NEB: variants seen among roughly 807,000 people sequenced by gnomAD.
NEB encodes the protein nemaline myopathy type 2.
Under a neutral mutation model 952.2 loss-of-function variants are expected in NEB, and 512 were observed. The ratio of observed to expected loss-of-function variants is 0.54; its 90% CI spans 0.50 to 0.58. The LOEUF (loss-of-function observed/expected upper bound fraction) is 0.58. Ranked by LOEUF, NEB falls within the 20% of genes least tolerant of loss-of-function variation. The pLI, the probability that NEB is intolerant of heterozygous loss-of-function variation, is 0.00. For missense variants in NEB, 8,428 were observed against 9,231.1 expected, an observed-to-expected ratio of 0.91 and a Z score of 3.56; for synonymous variants, 2,900 against 3,149.8, an observed-to-expected ratio of 0.92 and a Z score of 2.66.
At chr2:151,648,381 C>T (rs2098988385) in intron 54 of NEB, among the ~76,000 whole-genome samples, 1 of 152,156 alleles carries the variant, frequency 6.6e-6, no homozygotes, top group Non-Finnish European at 1.5e-5. Context: ...TTGTTAATTT[C>T]CATATGTGTG....
chr2:151,502,747 A>G (rs1222791296), intron 167 of NEB, 46 bp downstream of exon 167: 2 of 1,048,884 alleles, frequency 1.9e-6, no homozygotes, highest in East Asian at 5.0e-5. Flanking sequence ...TTATTATTTT[A>G]AATAAAATTA....
Position 151,644,536 on chromosome 2 carries a change from C to G in NEB, c.7576G>C (p.Gly2526Arg), listed in dbSNP as rs745615339. 1 of 1,613,948 alleles carries G rather than the reference C, an allele frequency of 6.2e-7. No homozygotes were observed. ...RMGYEELKRKGYDLPVDAIPI... is the reference protein window; with the variant it reads ...RMGYEELKRKRYDLPVDAIPI... ...ATGGCATCAACAGGAAGATCGTAAC[C>G]TTTTCTCTTCAGCTCCTCATAACCC... The change falls in exon 56 of 182, where the codon GGT becomes CGT. Residue 2526 changes from glycine (G) to arginine (R), a missense_variant. By Grantham distance (125) the Gly-to-Arg change is moderately radical. Coordinates refer to ENST00000397345, the MANE Select transcript of NEB (RefSeq NM_001164508.2).
In NEB at chr2:151,643,262, T is replaced by C; in HGVS notation, c.8048A>G (p.Gln2683Arg). The change falls in exon 58 of 182, where the codon CAG becomes CGG. Residue 2683 changes from glutamine to arginine, a missense_variant. Coordinates refer to ENST00000397345, the MANE Select transcript of NEB (RefSeq NM_001164508.2). ...ACGGTAAACATGGTCACTCAAAATC[T>C]GGGTGGCTCGTTTATTTTTCTCATC... ...LEDEKNKRAT[Q>R]ILSDHVYRQH... The C allele has an allele frequency of 1.9e-6, 3 of 1,613,954 alleles. No homozygotes were observed. The highest frequency in any genetic ancestry group is 2.5e-6 in the Non-Finnish European group (3 of 1,179,842).
Position 151,664,508 on chromosome 2 carries a change from G to C in NEB, c.5444C>G (p.Ala1815Gly), listed in dbSNP as rs767491081. The C allele has an allele frequency of 6.3e-7, 1 of 1,583,502 alleles. No individual in the cohort carries two copies. Among genetic ancestry groups the C allele is most frequent in the Non-Finnish European group, 8.6e-7 (1 of 1,167,968 alleles). Residue 1815 changes from alanine (A) to glycine (G), a missense_variant, in exon 44 of 182, where the codon GCC (alanine) becomes GGC (glycine). By Grantham distance (60) the Ala-to-Gly change is moderately conservative. This residue lies in a region of NEB where 2,851 missense variants were observed against 2,791.5 expected (regional missense o/e 1.02). Coordinates refer to ENST00000397345, the MANE Select transcript of NEB (RefSeq NM_001164508.2). ...CCCAGTGCAAGCACTTACATCACTG[G>C]CAATGTCTCTAGAGGCTCTTGCAGC... ...IKAARASRDI[A>G]SDYKYKKAYE...
intron 32 of NEB, 65 bp downstream of exon 32, chr2:151,679,656 G>A (rs534330275): frequency 1.6e-5 from 13 of 804,232 alleles, no homozygotes; most frequent in Admixed American, 1.2e-4. Context: ...TTGGGTCATC[G>A]TCAGACCCCA....
intron 68 of NEB, among the ~76,000 whole-genome samples, chr2:151,628,866 G>T (rs192205315): frequency 7.2e-4 from 109 of 151,118 alleles, no homozygotes; most frequent in African/African-American, 2.5e-3. Context: ...CTGAGACTCT[G>T]TCTCAAACAA....
At chr2:151,547,371 GA>G in intron 133 of NEB, 57 bp downstream of exon 133, 1 of 1,374,196 alleles carries the variant, frequency 7.3e-7, no homozygotes. Context: ...TTTAACTGCT[GA>G]AAGCAAGCCT....
rs755582434 is a variant in NEB at position 151,497,040 on chromosome 2, G to A, written c.24301-7C>T. The stretch of plus-strand genomic sequence containing the variant: ...TGTTTTCTTTGTATAACACCTGTGC[G>A]ATAAGAAAGCAACCAGAAAAACAAC... On this transcript the variant is annotated splice_region_variant and splice_polypyrimidine_tract_variant and intron_variant, in intron 171 of 181. Coordinates refer to ENST00000397345, the MANE Select transcript of NEB (RefSeq NM_001164508.2). 34 of 1,561,722 alleles carry A rather than the reference G, an allele frequency of 2.2e-5. No individual in the cohort carries two copies. The highest frequency in any genetic ancestry group is 1.7e-4 in the Middle Eastern group (1 of 6,016).
At position 151,691,940 on chromosome 2, in the gene NEB, T is replaced by C; in HGVS notation, c.2135A>G (p.Asp712Gly). ...DKSYKAEYEE[D>G]KGKCYFPQTI... is the part of the protein sequence containing the mutation. ...CTGAGGGAAATAGCATTTTCCTTTA[T>C]CTTCTTCATATTCTGCTTTGTAACT... The change falls in exon 23 of 182, where the codon GAT becomes GGT. Residue 712 changes from aspartate to glycine, a missense_variant. By Grantham distance (94) the Asp-to-Gly change is moderately conservative. Around this residue, in one of 11 missense-constraint regions of NEB, gnomAD observed 2,851 missense variants for 2,791.5 expected, o/e 1.02. Transcript: ENST00000397345. 1 of 1,610,906 alleles carries C rather than the reference T, an allele frequency of 6.2e-7. No individual in the cohort carries two copies.
chr2:151,650,798 T>C lies in NEB; in HGVS notation c.7003A>G (p.Met2335Val). ...LQDDPKLVLS[M>V]NVAKMQSERE... ...TCACTCTGCATTTTGGCTACATTCA[T>C]GGACAACACAAGTTTTGGGTCATCT... Residue 2335 changes from methionine (M) to valine (V), a missense_variant, in exon 53 of 182, where the codon ATG becomes GTG. This residue lies in a region of NEB where 1,772 missense variants were observed against 1,960.3 expected (regional missense o/e 0.90). Transcript: ENST00000397345. The C allele has an allele frequency of 3.1e-6, 5 of 1,613,970 alleles. No homozygotes were observed. The highest frequency in any genetic ancestry group is 4.2e-6 in the Non-Finnish European group (5 of 1,179,856).
At chr2:151,559,204 T>C (rs867453670) in intron 124 of NEB, among the ~76,000 whole-genome samples, 1 of 152,242 alleles carries the variant, frequency 6.6e-6, no homozygotes, top group Non-Finnish European at 1.5e-5. Context: ...TCATCATCAC[T>C]GGTCATTAGA....
chr2:151,504,188 T>C (rs2067010311), intron 165 of NEB, among the ~76,000 whole-genome samples: 1 of 152,154 alleles, frequency 6.6e-6, no homozygotes, highest in East Asian at 1.9e-4. Flanking sequence ...GATTCCCTGG[T>C]GTATTAGTGC....
intron 138 of NEB, among the ~76,000 whole-genome samples, chr2:151,539,290 T>C (rs1201016023): frequency 6.6e-6 from 1 of 152,132 alleles, no homozygotes; most frequent in Non-Finnish European, 1.5e-5. Context: ...TCCTAGAAGG[T>C]AGATTTTGAG....
In NEB at chr2:151,655,905, C is replaced by T. The variant is rs752349680; in HGVS notation, c.6614G>A (p.Arg2205His). Residue 2205 changes from arginine to histidine, a missense_variant, in exon 50 of 182, where the codon CGC becomes CAC. Physicochemically the swap from Arg to His is conservative, Grantham distance 29 (BLOSUM62 0). Coordinates refer to ENST00000397345, the MANE Select transcript of NEB (RefSeq NM_001164508.2). ...AAACTGGAAGTTGCTCGGGTGCTGG[C>T]GGTATTTCTGATCACTGGCATATTC... ...ATEYASDQKY[R>H]QHPSNFQFKK... is the part of the protein sequence containing the mutation. 1.9e-5 allele frequency: 31 copies of T among 1,613,664 alleles called. No homozygotes were observed. The highest frequency in any genetic ancestry group is 1.8e-4 in the East Asian group (8 of 44,878).
At chr2:151,555,198 G>A (rs1158939762) in intron 124 of NEB, among the ~76,000 whole-genome samples, 154 bp from the exon 125 acceptor site, 1 of 152,166 alleles carries the variant, frequency 6.6e-6, no homozygotes, top group Non-Finnish European at 1.5e-5. Context: ...CACCTGTACA[G>A]AGAGATACAG....
chr2:151,658,732 G>A (rs1227203787), intron 47 of NEB, among the ~76,000 whole-genome samples: 1 of 152,130 alleles, frequency 6.6e-6, no homozygotes, highest in South Asian at 2.1e-4. Context: ...TGGAAGGGCT[G>A]TCTAAGAACG....
intron 41 of NEB, 137 bp downstream of exon 41, chr2:151,665,953 T>A: frequency 2.3e-6 from 2 of 872,134 alleles, no homozygotes; most frequent in South Asian, 4.2e-5. Flanking sequence ...TTCAAATGAG[T>A]GAAATCCTAA....
intron 46 of NEB, among the ~76,000 whole-genome samples, chr2:151,660,514 C>T (rs1192523623): frequency 6.6e-6 from 1 of 152,170 alleles, no homozygotes; most frequent in African/African-American, 2.4e-5. Flanking sequence ...TGTAACACAG[C>T]TATTTAATAT....
rs1286173244 is a variant in NEB, at chr2:151,665,326, T to A, written c.5238+7A>T. On this transcript the variant is annotated splice_region_variant and intron_variant, in intron 42 of 181. Transcript: ENST00000397345. The stretch of plus-strand genomic sequence containing the variant: ...TCCCTGGGCGAGGCTGGCAGGTGAG[T>A]CCTTACCTTGTCCATGTTCAGTTTG... 1 of 1,613,236 alleles carries A rather than the reference T, an allele frequency of 6.2e-7. No individual in the cohort carries two copies. The highest frequency in any genetic ancestry group is 8.5e-7 in the Non-Finnish European group (1 of 1,179,602).
Sources: allele counts gnomAD v4.1 joint callset (sites outside exome capture counted in the v4.1 genomes callset), GRCh38; gene constraint gnomAD v4.1.1; regional missense constraint gnomAD v4.1.1; transcripts MANE v1.5; gene names NCBI Gene and HGNC (gene_info 2026-07-23, HGNC 2026-07-21).